SPRED2: variants seen among roughly 807,000 people sequenced by gnomAD.
The protein encoded by SPRED2 is sprouty related EVH1 domain containing 2.
A neutral mutation model predicts 43.0 loss-of-function variants in SPRED2; 47 were observed. The ratio of observed to expected loss-of-function variants is 1.09; its 90% CI spans 0.87 to 1.40. The LOEUF is 1.40. Among genes scored for constraint, SPRED2 ranks in the 40% most tolerant of loss-of-function variants. The probability of loss-of-function intolerance (pLI) is 0.00; values close to 1 mark genes in which losing one functional copy is unlikely to be tolerated. For synonymous variants in SPRED2, 225 were observed against 225.7 expected (o/e 1.00, Z 0.03); for missense variants, 561 against 586.4 (o/e 0.96, Z 0.45).
intron 2 of SPRED2, chr2:65,344,323 CA>C (rs1213945392): frequency 3.5e-6 from 1 of 281,894 alleles, no homozygotes; most frequent in Non-Finnish European, 7.0e-6. Context: ...TGCCACCATC[CA>C]AACCTCAATG....
chr2:65,367,416 A>G (rs2104332810), intron 1 of SPRED2, among the ~76,000 whole-genome samples: 1 of 152,224 alleles, frequency 6.6e-6, no homozygotes, highest in South Asian at 2.1e-4. Context: ...GGCTGACTGT[A>G]TTTCTCTTTT....
Position 65,313,560 on chromosome 2 carries a change from A to G in SPRED2, c.1198T>C (p.Cys400Arg), listed in dbSNP as rs1314294223. The G allele has an allele frequency of 6.2e-7, 1 of 1,613,980 alleles. No individual in the cohort carries two copies. Among genetic ancestry groups the G allele is most frequent in the Admixed American group, 1.7e-5 (1 of 60,000 alleles). Reference sequence around the variant, plus strand: ...CTGCACATCACTCCGCAGTGGTAGCAGGCCCGAAGGGGCAGGTAACAGCAC... The same window carrying G: ...CTGCACATCACTCCGCAGTGGTAGCGGGCCCGAAGGGGCAGGTAACAGCAC... ...CMCCYLPLRA[C>R]YHCGVMCRCC... Residue 400 changes from cysteine (C) to arginine (R), a missense_variant, in exon 6 of 6, where the codon TGC becomes CGC. Cys to Arg is a radical substitution (Grantham distance 180, BLOSUM62 -3). Around this residue, in one of 6 missense-constraint regions of SPRED2, gnomAD observed 65 missense variants for 60.2 expected, o/e 1.08. Coordinates refer to ENST00000356388, the MANE Select transcript of SPRED2 (RefSeq NM_181784.3).
At chr2:65,344,666 T>C in intron 2 of SPRED2, 53 bp downstream of exon 2, 1 of 1,594,640 alleles carries the variant, frequency 6.3e-7, no homozygotes, top group Non-Finnish European at 8.6e-7. Context: ...TGATTTAACG[T>C]AAAGAAAGCA....
intron 1 of SPRED2, among the ~76,000 whole-genome samples, chr2:65,354,416 G>A (rs1404065082): frequency 6.6e-6 from 1 of 152,076 alleles, no homozygotes; most frequent in African/African-American, 2.4e-5. Context: ...AGTTACATTA[G>A]ACTCACTGCA....
Position 65,330,789 on chromosome 2 carries a change from G to A in SPRED2, c.438+1198C>T, listed in dbSNP as rs988258725. Reference sequence around the variant, plus strand: ...CCTCAGGGGACACATGCTAAAGTACGAGAGGTGACTTACTTTCAAATGGAT... The same window carrying A: ...CCTCAGGGGACACATGCTAAAGTACAAGAGGTGACTTACTTTCAAATGGAT... On this transcript the variant is annotated intron_variant, in intron 4 of 5. Transcript: ENST00000356388. Among the ~76,000 whole-genome samples the A allele has an allele frequency of 9.9e-5, 15 of 152,168 alleles. 1 individual carries two copies. The South Asian group carries it at 1.4e-3, about 15-fold the overall frequency.
At chr2:65,391,511 C>T (rs953153700) in intron 1 of SPRED2, among the ~76,000 whole-genome samples, 1 of 152,088 alleles carries the variant, frequency 6.6e-6, no homozygotes, top group Non-Finnish European at 1.5e-5. Context: ...TTTTGTATTG[C>T]CCATCTTATT....
At chr2:65,378,435 C>T (rs547259318) in intron 1 of SPRED2, among the ~76,000 whole-genome samples, 2 of 152,336 alleles carry the variant, frequency 1.3e-5, no homozygotes, top group East Asian at 1.9e-4. Context: ...AGTCCACCCC[C>T]TCCATACAAG....
chr2:65,381,679 G>A (rs1406778935), intron 1 of SPRED2, among the ~76,000 whole-genome samples: 3 of 152,218 alleles, frequency 2.0e-5, no homozygotes, highest in Non-Finnish European at 2.9e-5. Flanking sequence ...GAGGTGCCTC[G>A]GTGCAGGGCC....
chr2:65,369,502 TCAGA>T (rs774333519), intron 1 of SPRED2, among the ~76,000 whole-genome samples: 2 of 152,264 alleles, frequency 1.3e-5, no homozygotes, highest in Non-Finnish European at 2.9e-5. Flanking sequence ...TAAGTTTTCT[TCAGA>T]ACACATTTTA....
At chr2:65,385,004 G>A (rs1243369511) in intron 1 of SPRED2, among the ~76,000 whole-genome samples, 1 of 122,804 alleles carries the variant, frequency 8.1e-6, no homozygotes, top group East Asian at 2.5e-4. Flanking sequence ...ACGGACTCTT[G>A]CTCTGTCACC....
In SPRED2 at chr2:65,313,853, T is replaced by C; in HGVS notation, c.905A>G (p.Glu302Gly). ...CACGCACCGCGAGCGCTCTCCGTCC[T>C]CCTTCCGCCGCCGCGACTTGCCCCG... ...PSRGKSRRRK[E>G]DGERSRCVYC... The change falls in exon 6 of 6, where the codon GAG becomes GGG. Residue 302 changes from glutamate (E) to glycine (G), a missense_variant. Transcript: ENST00000356388. 6.2e-7 allele frequency: 1 copy of C among 1,611,420 alleles called. No homozygotes were observed. Among genetic ancestry groups the C allele is most frequent in the Admixed American group, 1.7e-5 (1 of 60,008 alleles).
intron 1 of SPRED2, among the ~76,000 whole-genome samples, chr2:65,422,104 A>ATACACACACACT (rs1676440655): frequency 7.8e-6 from 1 of 128,938 alleles, no homozygotes; most frequent in Non-Finnish European, 1.7e-5. Context: ...ACACACACAC[A>ATACACACACACT]CTCTCTCTCT....
intron 1 of SPRED2, among the ~76,000 whole-genome samples, chr2:65,401,550 C>G (rs1026573739): frequency 2.6e-5 from 4 of 151,670 alleles, no homozygotes; most frequent in Non-Finnish European, 5.9e-5. Flanking sequence ...AATCCCAGCA[C>G]TTTGGGAGGC....
At chr2:65,323,661 G>A (rs1220769056) in intron 4 of SPRED2, among the ~76,000 whole-genome samples, 1 of 151,902 alleles carries the variant, frequency 6.6e-6, no homozygotes, top group East Asian at 1.9e-4. Context: ...CAGATCACGA[G>A]GTCAGGAGAT....
At chr2:65,431,928 G>A (rs1309867445) in intron 1 of SPRED2, 34 bp downstream of exon 1, 1 of 1,613,358 alleles carries the variant, frequency 6.2e-7, no homozygotes, top group Non-Finnish European at 8.5e-7. Context: ...TGCCCCTGAG[G>A]GGCACCCTCG....
chr2:65,329,617 G>C (rs1299071507), intron 4 of SPRED2, among the ~76,000 whole-genome samples: 3 of 152,162 alleles, frequency 2.0e-5, no homozygotes, highest in African/African-American at 7.2e-5. Flanking sequence ...AAAACCAGGA[G>C]GGATTCTGGC....
At chr2:65,380,010 T>C (rs1295236751) in intron 1 of SPRED2, among the ~76,000 whole-genome samples, 6 of 152,200 alleles carry the variant, frequency 3.9e-5, no homozygotes, top group Non-Finnish European at 7.3e-5. Context: ...ACAAGGAGGT[T>C]GAGTGCTTCT....
At chr2:65,343,288 T>C (rs1030727198) in intron 2 of SPRED2, among the ~76,000 whole-genome samples, 1 of 152,262 alleles carries the variant, frequency 6.6e-6, no homozygotes, top group Admixed American at 6.5e-5. Flanking sequence ...GACTATTATA[T>C]AGGGTATTTC....
At chr2:65,407,906 A>G (rs1676063547) in intron 1 of SPRED2, among the ~76,000 whole-genome samples, 1 of 152,236 alleles carries the variant, frequency 6.6e-6, no homozygotes, top group Non-Finnish European at 1.5e-5. Flanking sequence ...AAAATATCAA[A>G]AGCTGGGCAA....
Sources: gnomAD v4.1 joint callset for allele counts (sites outside exome capture counted in the v4.1 genomes callset) on GRCh38, gnomAD v4.1.1 for gene constraint, gnomAD v4.1.1 regional missense constraint, MANE v1.5 for transcripts, NCBI Gene and HGNC (gene_info 2026-07-23, HGNC 2026-07-21) for gene names.